GPR39: variants seen among roughly 807,000 people sequenced by gnomAD.
The protein encoded by GPR39 is zinc sensing receptor.
GPR39 carries 23 observed loss-of-function variants against 18.4 expected under a neutral mutation model. The ratio of observed to expected loss-of-function variants is 1.25; its 90% CI spans 0.90 to 1.77. The LOEUF is 1.77. Ranked by LOEUF, GPR39 falls within the 40% of genes most tolerant of loss-of-function variation. The pLI is 0.00. For synonymous variants in GPR39, 280 were observed against 257.9 expected (o/e 1.09, Z -0.82); for missense variants, 647 against 602.4 (o/e 1.07, Z -0.78).
At chr2:132,569,313 T>A (rs1680402561) in intron 1 of GPR39, among the ~76,000 whole-genome samples, 1 of 152,094 alleles carries the variant, frequency 6.6e-6, no homozygotes, top group Non-Finnish European at 1.5e-5. Context: ...ATCAAAATAA[T>A]TTGAGCCTGA....
chr2:132,533,285 C>G (rs1679676335), intron 1 of GPR39, among the ~76,000 whole-genome samples: 2 of 152,088 alleles, frequency 1.3e-5, no homozygotes, highest in South Asian at 4.1e-4. Context: ...ATCCAACTTA[C>G]AAGGGATGTG....
At position 132,638,894 on chromosome 2, in the gene GPR39, A is replaced by C. The variant is rs530113556; in HGVS notation, c.857-6207A>C. Among the ~76,000 whole-genome samples, 4 of 151,032 alleles carry C rather than the reference A, an allele frequency of 2.6e-5. No individual in the cohort carries two copies. The East Asian group carries it at 7.9e-4, about 30-fold the overall frequency. ...ACCATGCTGGTTTCCCACTGTCCCC[A>C]CCCACCCTTTTGTTGCAACCACGCT... On this transcript the variant is annotated intron_variant, in intron 1 of 1. Transcript: ENST00000329321.
At chr2:132,443,813 TA>T in intron 1 of GPR39, among the ~76,000 whole-genome samples, 1 of 152,142 alleles carries the variant, frequency 6.6e-6, no homozygotes, top group Middle Eastern at 3.4e-3. Flanking sequence ...CTCAAGCCTG[TA>T]ATCCCAGCAC....
chr2:132,532,716 G>A (rs1471142796), intron 1 of GPR39, among the ~76,000 whole-genome samples: 14 of 152,076 alleles, frequency 9.2e-5, no homozygotes, highest in South Asian at 2.1e-4. Context: ...AACATAATCC[G>A]GCATATAAAC....
Position 132,485,220 on chromosome 2 carries a change from C to A in GPR39, c.856+67322C>A, listed in dbSNP as rs556967331. Among the ~76,000 whole-genome samples, 246 of 152,302 alleles carry A rather than the reference C, an allele frequency of 1.6e-3. 1 individual carries two copies. The highest frequency in any genetic ancestry group is 5.0e-3 in the Admixed American group (77 of 15,298). Reference sequence around the variant, plus strand: ...GCATTGTGTCTAAAAACACAATATGCATACCTTAATTTTAAAAAGCTTCAT... The same window carrying A: ...GCATTGTGTCTAAAAACACAATATGAATACCTTAATTTTAAAAAGCTTCAT... On this transcript the variant is annotated intron_variant, in intron 1 of 1. Transcript: ENST00000329321.
At chr2:132,497,207 A>C (rs537394696) in intron 1 of GPR39, among the ~76,000 whole-genome samples, 1 of 152,178 alleles carries the variant, frequency 6.6e-6, no homozygotes, top group Non-Finnish European at 1.5e-5. Context: ...CTACATTTGC[A>C]TATTAATTCC....
At chr2:132,505,799 C>A (rs1300043578) in intron 1 of GPR39, among the ~76,000 whole-genome samples, 2 of 152,178 alleles carry the variant, frequency 1.3e-5, no homozygotes, top group Admixed American at 6.5e-5. Flanking sequence ...ATCCATTCAT[C>A]CATTGGTGGA....
At chr2:132,468,847 G>C (rs1680978296) in intron 1 of GPR39, among the ~76,000 whole-genome samples, 1 of 152,054 alleles carries the variant, frequency 6.6e-6, no homozygotes, top group Non-Finnish European at 1.5e-5. Context: ...GAGGAGGCAG[G>C]GTGACCTTTG....
intron 1 of GPR39, among the ~76,000 whole-genome samples, chr2:132,552,794 A>ATGTGTG (rs1306614276): frequency 1.0e-4 from 11 of 108,210 alleles, no homozygotes; most frequent in African/African-American, 4.3e-4. Context: ...CAATGTGTAT[A>ATGTGTG]TATGTGTGTG....
At chr2:132,477,072 C>T (rs796971185) in intron 1 of GPR39, among the ~76,000 whole-genome samples, 5 of 152,284 alleles carry the variant, frequency 3.3e-5, no homozygotes, top group African/African-American at 1.2e-4. Context: ...CCATGATTCT[C>T]GAGATGCTAT....
chr2:132,564,207 A>G (rs191337988), intron 1 of GPR39, among the ~76,000 whole-genome samples: 23 of 152,290 alleles, frequency 1.5e-4, no homozygotes, highest in Non-Finnish European at 2.1e-4. Flanking sequence ...GCTGGAGGAA[A>G]TGTAATAGTG....
chr2:132,470,644 C>T (rs1360309854), intron 1 of GPR39, among the ~76,000 whole-genome samples: 2 of 151,936 alleles, frequency 1.3e-5, no homozygotes, highest in Admixed American at 6.6e-5. Flanking sequence ...AATAGACGAT[C>T]CAGTAAAATG....
At chr2:132,551,347 G>A (rs1427759113) in intron 1 of GPR39, among the ~76,000 whole-genome samples, 1 of 152,052 alleles carries the variant, frequency 6.6e-6, no homozygotes, top group Admixed American at 6.6e-5. Context: ...GCCAGAATTG[G>A]CCATGATGCA....
chr2:132,483,744 A>G (rs1681279210), intron 1 of GPR39, among the ~76,000 whole-genome samples: 1 of 152,142 alleles, frequency 6.6e-6, no homozygotes, highest in East Asian at 1.9e-4. Context: ...GAAATCCAGA[A>G]CTGCATTCTC....
Position 132,613,762 on chromosome 2 carries a change from A to C in GPR39, c.857-31339A>C, listed in dbSNP as rs75244367. On this transcript the variant is annotated intron_variant, in intron 1 of 1. Transcript: ENST00000329321. ...TACTTATGGAAGCATGGCCCTCATC[A>C]GTATCAGTGTCTATTGAAGTTTAGC... is the stretch of plus-strand genomic sequence containing the variant. Among the ~76,000 whole-genome samples, 516 of 152,318 alleles carry C rather than the reference A, an allele frequency of 3.4e-3. 5 individuals carry two copies. Among genetic ancestry groups the C allele is most frequent in the African/African-American group, 0.012 (488 of 41,562 alleles).
At chr2:132,557,592 TGA>T (rs57544662) in intron 1 of GPR39, among the ~76,000 whole-genome samples, 68,891 of 148,086 alleles carry the variant, frequency 0.47, 16,391 homozygotes, top group Non-Finnish European at 0.53. Flanking sequence ...AAAGAAAGGA[TGA>T]GAGAGAGAGA....
Position 132,645,676 on chromosome 2 carries a change from A to C in GPR39, c.*70A>C. 2.6e-6 allele frequency: 4 copies of C among 1,535,670 alleles called. No individual in the cohort carries two copies. The highest frequency in any genetic ancestry group is 3.5e-6 in the Non-Finnish European group (4 of 1,142,858). On this transcript the variant is annotated 3_prime_UTR_variant, in exon 2 of 2. Coordinates refer to ENST00000329321, the MANE Select transcript of GPR39 (RefSeq NM_001508.3). Reference sequence around the variant, plus strand: ...TAAGAAAACGTCACTCTCACTCTGCAGTCTCAAACTATGCCCCCATCAGGG... The same window carrying C: ...TAAGAAAACGTCACTCTCACTCTGCCGTCTCAAACTATGCCCCCATCAGGG...
intron 1 of GPR39, among the ~76,000 whole-genome samples, chr2:132,433,537 A>T (rs1206268927): frequency 6.6e-6 from 1 of 151,978 alleles, no homozygotes; most frequent in Non-Finnish European, 1.5e-5. Flanking sequence ...ACAAAGTGCC[A>T]CTAGTGGTGC....
At chr2:132,547,027 G>A (rs1679962841) in intron 1 of GPR39, among the ~76,000 whole-genome samples, 1 of 152,070 alleles carries the variant, frequency 6.6e-6, no homozygotes, top group Non-Finnish European at 1.5e-5. Flanking sequence ...GGAGGAGCAA[G>A]ATGCTGTGTT....
Sources: gnomAD v4.1 joint callset for allele counts (sites outside exome capture counted in the v4.1 genomes callset) on GRCh38, gnomAD v4.1.1 for gene constraint, MANE v1.5 for transcripts, NCBI Gene and HGNC (gene_info 2026-07-23, HGNC 2026-07-21) for gene names.